The following SYNE2 variants were observed in gnomAD, a reference collection of about 807,000 sequenced individuals.
The protein encoded by SYNE2 is nesprin-2.
SYNE2 carries 431 observed loss-of-function variants against 856.3 expected under a neutral mutation model. The observed-to-expected ratio is 0.50, with a 90% confidence interval of 0.47 to 0.55. The LOEUF (loss-of-function observed/expected upper bound fraction) is 0.55, where lower values mean the gene tolerates loss of function less well. SYNE2 is among the 20% of genes least tolerant of loss of function. The pLI is 0.00. For synonymous variants in SYNE2, 2,923 were observed against 2,872.3 expected (o/e 1.02, Z -0.56); for missense variants, 8,129 against 8,023.2 (o/e 1.01, Z -0.50).
chr14:63,853,164 G>T (rs148287408), intron 1 of SYNE2, 21 bp downstream of exon 1: 67,680 of 150,526 alleles, frequency 0.45, 16,140 homozygotes, highest in South Asian at 0.55. Context: ...GCGGCCGCGG[G>T]GCCCCAGCAC....
intron 42 of SYNE2, 49 bp from the exon 43 acceptor site, chr14:64,027,435 C>A: frequency 8.2e-7 from 1 of 1,225,306 alleles, no homozygotes; most frequent in Non-Finnish European, 1.2e-6. Context: ...AAATGCTAGT[C>A]CATTTTGCTA....
At chr14:63,913,869 A>AATTT (rs1238750090) in intron 2 of SYNE2, among the ~76,000 whole-genome samples, 4,646 of 151,470 alleles carry the variant, frequency 0.031, 239 homozygotes, top group African/African-American at 0.11. Context: ...TAAATTTTTA[A>AATTT]AATTAAAAAA....
chr14:64,087,563 A>T, intron 57 of SYNE2, 108 bp from the exon 58 acceptor site: 1 of 1,165,532 alleles, frequency 8.6e-7, no homozygotes, highest in Non-Finnish European at 1.3e-6. Flanking sequence ...AGAAATGACT[A>T]GTTTAAAATG....
intron 1 of SYNE2, among the ~76,000 whole-genome samples, chr14:63,782,894 T>C (rs1389011929): frequency 6.6e-6 from 1 of 152,046 alleles, no homozygotes; most frequent in Non-Finnish European, 1.5e-5. Flanking sequence ...TTAATTAATA[T>C]CCTCAAATAT....
At chr14:64,081,922 T>TA in intron 57 of SYNE2, among the ~76,000 whole-genome samples, 1 of 152,044 alleles carries the variant, frequency 6.6e-6, no homozygotes, top group South Asian at 2.1e-4. Context: ...CTGTCTCTAC[T>TA]AAAAATACAA....
chr14:63,894,459 G>A (rs1262259577), intron 1 of SYNE2, among the ~76,000 whole-genome samples: 2 of 151,952 alleles, frequency 1.3e-5, no homozygotes, highest in African/African-American at 4.8e-5. Flanking sequence ...TGGCCTCAGG[G>A]GATCCTCCTG....
intron 1 of SYNE2, among the ~76,000 whole-genome samples, chr14:63,811,771 C>A (rs1196747912): frequency 6.6e-6 from 1 of 152,042 alleles, no homozygotes; most frequent in Non-Finnish European, 1.5e-5. Context: ...ATAATGCCCC[C>A]CTGAGCCACA....
intron 45 of SYNE2, among the ~76,000 whole-genome samples, chr14:64,038,779 C>G (rs560453574): frequency 6.6e-6 from 1 of 152,330 alleles, no homozygotes; most frequent in African/African-American, 2.4e-5. Flanking sequence ...TTGCAGTGAG[C>G]CCAGATGGCA....
chr14:64,167,100 C>G (rs909849415), intron 90 of SYNE2, 133 bp from the exon 91 acceptor site: 2 of 1,080,448 alleles, frequency 1.9e-6, no homozygotes, highest in Non-Finnish European at 2.7e-6. Context: ...CATTAGCAAG[C>G]TGTTTGACTG....
At chr14:64,192,060 A>G (rs956080196) in intron 99 of SYNE2, among the ~76,000 whole-genome samples, 1 of 152,160 alleles carries the variant, frequency 6.6e-6, no homozygotes, top group Non-Finnish European at 1.5e-5. Context: ...TTTCCATGAG[A>G]AGACTCTTAG....
At chr14:64,132,583 G>A in intron 77 of SYNE2, 145 bp downstream of exon 77, 1 of 1,118,710 alleles carries the variant, frequency 8.9e-7, no homozygotes, top group Non-Finnish European at 1.3e-6. Flanking sequence ...CCCCTGCTCA[G>A]GTTCTGAGGC....
chr14:63,850,388 G>A (rs1001805679), upstream of SYNE2, among the ~76,000 whole-genome samples: 4 of 151,526 alleles, frequency 2.6e-5, no homozygotes, highest in East Asian at 3.9e-4. Flanking sequence ...GCACCTGGCC[G>A]ACAACATACT....
At chr14:64,042,533 C>T (rs2097156721) in intron 45 of SYNE2, among the ~76,000 whole-genome samples, 1 of 152,108 alleles carries the variant, frequency 6.6e-6, no homozygotes, top group Non-Finnish European at 1.5e-5. Context: ...TGGGAGGAAC[C>T]CAGTGGGAGG....
rs1188059040 is a variant in SYNE2 at position 64,158,687 on chromosome 14, C to T, written c.15855C>T (p.Leu5285=). The change falls in exon 86 of 116, where the codon CTC becomes CTT. Residue 5285 remains leucine, a synonymous_variant. Transcript: ENST00000555002. ...AGGAGTGGAAGATTTATGATCAACTCTATGATGAAGTGAATATGATGACAA... is the reference window on the plus strand; with the variant it reads ...AGGAGTGGAAGATTTATGATCAACTTTATGATGAAGTGAATATGATGACAA... ...VLQEWKIYDQ[L]YDEVNMMTIR... 1 of 1,613,948 alleles carries T rather than the reference C, an allele frequency of 6.2e-7. No homozygotes were observed. The highest frequency in any genetic ancestry group is 1.3e-5 in the African/African-American group (1 of 75,008).
chr14:64,063,467 T>C (rs570702269), intron 50 of SYNE2, among the ~76,000 whole-genome samples: 20 of 152,386 alleles, frequency 1.3e-4, no homozygotes, highest in African/African-American at 4.8e-4. Flanking sequence ...TCCTCACTGA[T>C]GGCTTTTCTA....
Position 64,113,464 on chromosome 14 carries a change from G to A in SYNE2, c.12733G>A (p.Val4245Met). The A allele has an allele frequency of 6.2e-7, 1 of 1,614,208 alleles. No homozygotes were observed. The highest frequency in any genetic ancestry group is 8.5e-7 in the Non-Finnish European group (1 of 1,180,034). Residue 4245 changes from valine to methionine, a missense_variant, in exon 66 of 116, where the codon GTG (valine) becomes ATG (methionine). By Grantham distance (21) the Val-to-Met change is conservative. Transcript: ENST00000555002. ...TEVLHACKTQ[V>M]AELELWLQQA... ...AGTCCTGCATGCCTGCAAGACCCAGGTGGCCGAGCTGGAGCTGTGGCTGCA... is the reference window on the plus strand; with the variant it reads ...AGTCCTGCATGCCTGCAAGACCCAGATGGCCGAGCTGGAGCTGTGGCTGCA...
chr14:63,904,500 G>A (rs1290041751), intron 1 of SYNE2, among the ~76,000 whole-genome samples: 1 of 151,744 alleles, frequency 6.6e-6, no homozygotes, highest in Non-Finnish European at 1.5e-5. Flanking sequence ...TTGACTTTTA[G>A]TAGTAGCCAT....
intron 7 of SYNE2, among the ~76,000 whole-genome samples, chr14:63,954,337 G>A (rs1024442447): frequency 6.6e-6 from 1 of 152,144 alleles, no homozygotes; most frequent in Non-Finnish European, 1.5e-5. Context: ...AACAGATTTG[G>A]TAATGAAGGG....
At chr14:63,820,428 T>C (rs1889171899) in intron 1 of SYNE2, among the ~76,000 whole-genome samples, 1 of 152,162 alleles carries the variant, frequency 6.6e-6, no homozygotes, top group Non-Finnish European at 1.5e-5. Flanking sequence ...AGACATAAAT[T>C]TGAACCTAAA....
Sources: allele counts gnomAD v4.1 joint callset (sites outside exome capture counted in the v4.1 genomes callset), GRCh38; gene constraint gnomAD v4.1.1; transcripts MANE v1.5; gene names NCBI Gene and HGNC (gene_info 2026-07-23, HGNC 2026-07-21).